CTDSP1: variants seen among roughly 807,000 people sequenced by gnomAD.
CTDSP1 encodes carboxy-terminal domain RNA polymerase II polypeptide A small phosphatase 1.
Under a neutral mutation model 32.5 loss-of-function variants are expected in CTDSP1, and 15 were observed. The ratio of observed to expected loss-of-function variants is 0.46; its 90% CI spans 0.31 to 0.71. CTDSP1 has a LOEUF of 0.71. Ranked by LOEUF, CTDSP1 falls within the 30% of genes least tolerant of loss-of-function variation. The pLI is 0.05. For missense variants in CTDSP1, 294 were observed against 351.1 expected (o/e 0.84, Z 1.30); for synonymous variants, 185 against 145.4 (o/e 1.27, Z -1.96).
Position 218,400,032 on chromosome 2 carries a change from C to T in CTDSP1, c.-59C>T, listed in dbSNP as rs1176791011. 15 of 1,343,370 alleles carry T rather than the reference C, an allele frequency of 1.1e-5. No individual in the cohort carries two copies. Among genetic ancestry groups the T allele is most frequent in the Non-Finnish European group, 1.4e-5 (15 of 1,044,420 alleles). 83.2% of individuals were successfully genotyped at this position (1,343,370 alleles called of 1,614,324 possible). A position where few individuals can be genotyped will look rare whatever the true frequency, so the allele number is the denominator to read the frequency against. On this transcript the variant is annotated 5_prime_UTR_variant, in exon 1 of 7. Coordinates refer to ENST00000273062, the MANE Select transcript of CTDSP1 (RefSeq NM_021198.3). The stretch of plus-strand genomic sequence containing the variant: ...CCCGCGCCCCGATTCCGGCCCCAGC[C>T]GGGGGGGAGGCCGGGCGCCCGGGCC...
chr2:218,398,427 G>A (rs1027240225), upstream of CTDSP1: 15 of 1,534,992 alleles, frequency 9.8e-6, no homozygotes, highest in Middle Eastern at 1.7e-4. Flanking sequence ...TGGCCGCCCC[G>A]TGGGCTACCC....
chr2:218,403,889 A>G (rs1373911090), intron 6 of CTDSP1: 4 of 196,170 alleles, frequency 2.0e-5, no homozygotes, highest in Non-Finnish European at 4.2e-5. Context: ...GTGAAACCTT[A>G]TGTCTACAAA....
upstream of CTDSP1, chr2:218,398,327 TA>T: frequency 8.0e-7 from 1 of 1,257,242 alleles, no homozygotes; most frequent in Non-Finnish European, 1.1e-6. Context: ...GAGGCCGTTC[TA>T]AGGGGTAAAT....
intron 4 of CTDSP1, 42 bp downstream of exon 4, chr2:218,402,447 T>C: frequency 6.3e-7 from 1 of 1,580,892 alleles, no homozygotes; most frequent in South Asian, 1.2e-5. Context: ...GGCATCTGCC[T>C]CCAGACCCTA....
intron 6 of CTDSP1, 151 bp downstream of exon 6, chr2:218,403,568 TC>T: frequency 1.6e-6 from 1 of 637,430 alleles, no homozygotes; most frequent in Non-Finnish European, 2.6e-6. Flanking sequence ...TGCCGCCCAC[TC>T]CCCTCATCCA....
chr2:218,402,999 A>G, intron 4 of CTDSP1, 36 bp from the exon 5 acceptor site: 3 of 1,505,286 alleles, frequency 2.0e-6, no homozygotes, highest in Non-Finnish European at 2.8e-6. Flanking sequence ...ACACTGCCCC[A>G]CTGGCCCGCA....
In CTDSP1 at chr2:218,402,116, C is replaced by T; in HGVS notation, c.222C>T (p.Thr74=). Residue 74 remains threonine (T), a synonymous_variant, in exon 3 of 7, where the codon ACC becomes ACT. Coordinates refer to ENST00000273062, the MANE Select transcript of CTDSP1 (RefSeq NM_021198.3). ...VEENGAIPKQ[T]PVQYLLPEAK... is the part of the protein sequence containing the mutation. ...CAGCCCCGCCCTCCCTACAGCAGAC[C>T]CCAGTCCAATACCTGCTCCCTGAGG... 1 of 1,612,194 alleles carries T rather than the reference C, an allele frequency of 6.2e-7. No individual in the cohort carries two copies. The highest frequency in any genetic ancestry group is 1.1e-5 in the South Asian group (1 of 90,908).
chr2:218,399,667 A>C, upstream of CTDSP1: 1 of 917,426 alleles, frequency 1.1e-6, no homozygotes, highest in Non-Finnish European at 1.3e-6. Flanking sequence ...ACGCAGCCGC[A>C]GAGACTCAGC....
rs1400890414 is a variant in CTDSP1 at position 218,404,589 on chromosome 2, C to T, written c.*164C>T. On this transcript the variant is annotated 3_prime_UTR_variant, in exon 7 of 7. Transcript: ENST00000273062. ...CCAGCCCCACCAGGCGGTGTAGGGG[C>T]AGCAGGCTGCACTGAGGACCGTGAG... 3.7e-6 allele frequency: 3 copies of T among 814,924 alleles called. No homozygotes were observed. The highest frequency in any genetic ancestry group is 3.4e-5 in the African/African-American group (2 of 58,184). The allele number at this position is 814,924 out of a possible 1,614,324, so 50.5% of individuals were successfully genotyped here. A position where few individuals can be genotyped will look rare whatever the true frequency, so the allele number is the denominator to read the frequency against.
intron 1 of CTDSP1, 31 bp downstream of exon 1, chr2:218,400,188 C>T: frequency 2.0e-6 from 3 of 1,525,550 alleles, no homozygotes; most frequent in Non-Finnish European, 1.8e-6. Context: ...GGGCCGAAGC[C>T]GGGGCGCCGT....
At chr2:218,396,675 G>C (rs1389834687), upstream of CTDSP1, 2 of 152,814 alleles carry the variant, frequency 1.3e-5, no homozygotes, top group African/African-American at 2.4e-5. Context: ...CTCTGGGTTT[G>C]GCACTGGAGA....
At chr2:218,402,854 T>G in intron 4 of CTDSP1, 181 bp from the exon 5 acceptor site, 2 of 661,678 alleles carry the variant, frequency 3.0e-6, no homozygotes, top group South Asian at 3.4e-5. Flanking sequence ...GTTTTGATCG[T>G]TTTCTGGCGG....
intron 2 of CTDSP1, among the ~76,000 whole-genome samples, 180 bp from the exon 3 acceptor site, chr2:218,401,931 T>C (rs1275450633): frequency 2.0e-5 from 3 of 151,904 alleles, no homozygotes; most frequent in Non-Finnish European, 2.9e-5. Flanking sequence ...TTTAGAGAGG[T>C]CTCAAAGAGC....
Position 218,400,149 on chromosome 2 carries a change from G to T in CTDSP1, c.59G>T (p.Arg20Leu). 6.5e-7 allele frequency: 1 copy of T among 1,545,428 alleles called. No individual in the cohort carries two copies. The highest frequency in any genetic ancestry group is 8.7e-7 in the Non-Finnish European group (1 of 1,145,262). Residue 20 changes from arginine to leucine, a missense_variant, in exon 1 of 7, where the codon CGG becomes CTG. Arg to Leu is a moderately radical substitution (Grantham distance 102). Transcript: ENST00000273062. ...AAGGAGGAGGCTCGGGGCCCGCTGCGGGGCAAAGGTACCGGGGCTGCGGGG... is the reference window on the plus strand; with the variant it reads ...AAGGAGGAGGCTCGGGGCCCGCTGCTGGGCAAAGGTACCGGGGCTGCGGGG... ...ISKEEARGPL[R>L]GKGDQKSAAS...
In CTDSP1 at chr2:218,401,587, C is replaced by T. The variant is rs1483336147; in HGVS notation, c.91C>T (p.Gln31Ter). The change falls in exon 2 of 7, where the codon CAG (glutamine) becomes TAG (stop). Residue 31 changes from glutamine to a stop codon, truncating the protein, a stop_gained. Coordinates refer to ENST00000273062, the MANE Select transcript of CTDSP1 (RefSeq NM_021198.3). LOFTEE classifies it high-confidence loss of function. ...GKGDQKSAASQKPRSRGILHS... is the reference protein window; with the variant it reads ...GKGDQKSAAS Reference sequence around the variant, plus strand: ...AGGTGACCAGAAGTCAGCAGCTTCCCAGAAGCCCCGAAGCCGGGGCATCCT... The same window carrying T: ...AGGTGACCAGAAGTCAGCAGCTTCCTAGAAGCCCCGAAGCCGGGGCATCCT... The T allele has an allele frequency of 6.2e-7, 1 of 1,613,826 alleles. No homozygotes were observed. The highest frequency in any genetic ancestry group is 8.5e-7 in the Non-Finnish European group (1 of 1,179,942).
intron 1 of CTDSP1, 124 bp from the exon 2 acceptor site, chr2:218,401,440 C>A: frequency 1.8e-6 from 2 of 1,111,900 alleles, no homozygotes; most frequent in Non-Finnish European, 2.6e-6. Context: ...GAGCTGCCTT[C>A]GTGTGTCTGG....
intron 6 of CTDSP1, chr2:218,403,730 G>C (rs1283438388): frequency 3.3e-6 from 1 of 306,306 alleles, no homozygotes; most frequent in South Asian, 8.7e-5. Flanking sequence ...TTAATTTAGT[G>C]GGTTCTGATT....
intron 6 of CTDSP1, 58 bp downstream of exon 6, chr2:218,403,475 C>T: frequency 6.8e-7 from 1 of 1,468,552 alleles, no homozygotes; most frequent in Non-Finnish European, 9.1e-7. Context: ...AGGGGTCAGT[C>T]CATTCAGGCC....
rs748558697 is a variant in CTDSP1, at chr2:218,404,344, C to A, written c.705C>A (p.His235Gln). The change falls in exon 7 of 7, where the codon CAC becomes CAA. Residue 235 changes from histidine to glutamine, a missense_variant. Physicochemically the swap from His to Gln is conservative, Grantham distance 24 (BLOSUM62 0). This residue lies in a region of CTDSP1 where 146 missense variants were observed against 237.7 expected (regional missense o/e 0.61). Coordinates refer to ENST00000273062, the MANE Select transcript of CTDSP1 (RefSeq NM_021198.3). ...ACAACATGAGTGACACAGAGCTCCA[C>A]GACCTCCTCCCCTTCTTCGAGCAAC... ...WFDNMSDTEL[H>Q]DLLPFFEQLS... is the part of the protein sequence containing the mutation. 6.2e-7 allele frequency: 1 copy of A among 1,614,222 alleles called. No homozygotes were observed. The highest frequency in any genetic ancestry group is 2.2e-5 in the East Asian group (1 of 44,888).
Sources: gnomAD v4.1 joint callset for allele counts (sites outside exome capture counted in the v4.1 genomes callset) on GRCh38, gnomAD v4.1.1 for gene constraint, gnomAD v4.1.1 regional missense constraint, MANE v1.5 for transcripts, NCBI Gene and HGNC (gene_info 2026-07-23, HGNC 2026-07-21) for gene names.